OPRM1: variants seen among roughly 807,000 people sequenced by gnomAD.
OPRM1 encodes opioid receptor mu 1, also known as mu-type opioid receptor.
In OPRM1, 27 loss-of-function variants were observed where a neutral mutation model predicts 31.8. That is an observed-to-expected ratio of 0.85 (90% CI 0.63 to 1.17). OPRM1 has a LOEUF of 1.17. OPRM1 is among the 50% of genes most tolerant of loss of function. The pLI is 0.00. For missense variants in OPRM1, 536 were observed against 511.1 expected (o/e 1.05, Z -0.47); for synonymous variants, 196 against 189.9 (o/e 1.03, Z -0.26).
Position 154,050,990 on chromosome 6 carries a change from G to A in OPRM1, c.290+11156G>A, listed in dbSNP as rs17174680. ...AATTTTCAAAACTAAATTGATTCCTGTATATTTCTAAAATAGAAGTTTAAG... is the reference window on the plus strand; with the variant it reads ...AATTTTCAAAACTAAATTGATTCCTATATATTTCTAAAATAGAAGTTTAAG... On this transcript the variant is annotated intron_variant, in intron 1 of 3. Transcript: ENST00000330432. 5.3e-3 allele frequency among the ~76,000 whole-genome samples: 806 copies of A among 152,118 alleles called. 3 individuals carry two copies. Among genetic ancestry groups the A allele is most frequent in the African/African-American group, 0.017 (723 of 41,504 alleles).
chr6:154,108,882 A>G (rs1403295488), intron 3 of OPRM1: 1 of 984,546 alleles, frequency 1.0e-6, no homozygotes, highest in Non-Finnish European at 1.2e-6. Flanking sequence ...AATTAAAAAT[A>G]CAGTAGTTAC....
At chr6:154,191,135 A>G (rs1316705020) in intron 3 of OPRM1, among the ~76,000 whole-genome samples, 1 of 152,200 alleles carries the variant, frequency 6.6e-6, no homozygotes, top group East Asian at 1.9e-4. Flanking sequence ...AAAGAAGCCA[A>G]TCTGAAAAGG....
chr6:154,154,106 G>A (rs1505580), intron 3 of OPRM1, among the ~76,000 whole-genome samples: 10,054 of 152,180 alleles, frequency 0.066, 968 homozygotes, highest in African/African-American at 0.21. Context: ...GTGAGACTTG[G>A]GAGAGAGTCA....
In OPRM1 at chr6:154,128,314, C is replaced by G. The variant is rs1583634438; in HGVS notation, c.*9593C>G. 1.3e-5 allele frequency among the ~76,000 whole-genome samples: 2 copies of G among 152,158 alleles called. No individual in the cohort carries two copies. Among genetic ancestry groups the G allele is most frequent in the African/African-American group, 4.8e-5 (2 of 41,434 alleles). Reference sequence around the variant, plus strand: ...GGAGTTAATTCTGACTACGGGATTCCTTTTTCACTTTTATAATGAACTCCT... The same window carrying G: ...GGAGTTAATTCTGACTACGGGATTCGTTTTTCACTTTTATAATGAACTCCT... On this transcript the variant is annotated 3_prime_UTR_variant, in exon 4 of 4. Coordinates refer to ENST00000330432, the MANE Select transcript of OPRM1 (RefSeq NM_000914.5).
chr6:154,079,896 G>T (rs1371410710), intron 1 of OPRM1, among the ~76,000 whole-genome samples: 1 of 152,006 alleles, frequency 6.6e-6, no homozygotes, highest in Admixed American at 6.5e-5. Flanking sequence ...TAATATTTTT[G>T]TTAGTTAACT....
At position 154,016,466 on chromosome 6, in the gene OPRM1, C is replaced by A. The variant is rs377233629; in HGVS notation, c.-1+5448C>A. Among the ~76,000 whole-genome samples, 16 of 151,866 alleles carry A rather than the reference C, an allele frequency of 1.1e-4. No homozygotes were observed. In the East Asian group the frequency reaches 1.2e-3, roughly 11 times the overall value. ...ACATATACATATCTGTTTACGGTAA[C>A]AATTTATGGAGAAAACAAAATTTTT... On this transcript the variant is annotated intron_variant, in intron 1 of 5. Coordinates refer to the OPRM1 transcript ENST00000434900.
chr6:154,111,724 T>G (rs1227976476), intron 3 of OPRM1, among the ~76,000 whole-genome samples: 1 of 151,734 alleles, frequency 6.6e-6, no homozygotes, highest in Non-Finnish European at 1.5e-5. Context: ...TATTTGCTAG[T>G]TGACTTCCTG....
In OPRM1 at chr6:154,122,109, G is replaced by A. The variant is rs1029469787; in HGVS notation, c.*3388G>A. 7.9e-4 allele frequency among the ~76,000 whole-genome samples: 120 copies of A among 152,276 alleles called. 1 individual carries two copies. The highest frequency in any genetic ancestry group is 2.7e-3 in the African/African-American group (111 of 41,562). ...GAGGGTTCTAGCCAAAGCAACCTAA[G>A]AATAGGACATGGTAGCTTAAGTTTT... is the stretch of plus-strand genomic sequence containing the variant. On this transcript the variant is annotated 3_prime_UTR_variant, in exon 4 of 4. Coordinates refer to ENST00000330432, the MANE Select transcript of OPRM1 (RefSeq NM_000914.5).
At chr6:154,103,945 G>A (rs552374327) in intron 3 of OPRM1, among the ~76,000 whole-genome samples, 1 of 152,264 alleles carries the variant, frequency 6.6e-6, no homozygotes, top group South Asian at 2.1e-4. Flanking sequence ...TCCCTTCACT[G>A]TCTAGGAATG....
intron 3 of OPRM1, among the ~76,000 whole-genome samples, chr6:154,100,038 A>ATAT (rs1491087125): frequency 4.3e-5 from 3 of 70,180 alleles, no homozygotes; most frequent in South Asian, 5.4e-4. Context: ...ATATATTATC[A>ATAT]TATGATATAT....
intron 3 of OPRM1, among the ~76,000 whole-genome samples, chr6:154,100,077 CAT>C (rs1562471948): frequency 1.1e-4 from 13 of 117,190 alleles, no homozygotes; most frequent in African/African-American, 3.9e-4. Flanking sequence ...TGATATATAT[CAT>C]ATTATATATT....
rs141462963 is a variant in OPRM1 at position 154,086,745 on chromosome 6, G to C, written c.291-3081G>C. ...TTACTTAACATAAAACACCATTAAA[G>C]ATAAGCCACGAAATGTAAGGTCTGC... is the stretch of plus-strand genomic sequence containing the variant. On this transcript the variant is annotated intron_variant, in intron 1 of 3. Coordinates refer to ENST00000330432, the MANE Select transcript of OPRM1 (RefSeq NM_000914.5). 1,054 of 985,330 alleles carry C rather than the reference G, an allele frequency of 1.1e-3. 9 individuals carry two copies. In the African/African-American group the frequency reaches 0.017, roughly 16 times the overall value. 61.0% of individuals were successfully genotyped at this position (985,330 alleles called of 1,614,324 possible). A position where few individuals can be genotyped will look rare whatever the true frequency, so the allele number is the denominator to read the frequency against.
chr6:154,013,114 C>CA (rs1295333905), intron 1 of OPRM1, among the ~76,000 whole-genome samples: 2 of 151,994 alleles, frequency 1.3e-5, no homozygotes, highest in Admixed American at 6.6e-5. Context: ...TTAGGCCTGC[C>CA]AAAAAGAGGA....
At chr6:154,194,510 T>C (rs989676103) in intron 3 of OPRM1, among the ~76,000 whole-genome samples, 5 of 152,182 alleles carry the variant, frequency 3.3e-5, no homozygotes, top group African/African-American at 4.8e-5. Flanking sequence ...TTTTCAATTA[T>C]GACCTCCAAC....
At chr6:154,213,015 T>C in intron 3 of OPRM1, 1 of 605,534 alleles carries the variant, frequency 1.7e-6, no homozygotes, top group Non-Finnish European at 3.0e-6. Context: ...GCAAAGGAAT[T>C]ACATAAGAGG....
intron 3 of OPRM1, among the ~76,000 whole-genome samples, chr6:154,235,681 G>A (rs568418203): frequency 7.2e-5 from 11 of 151,864 alleles, no homozygotes; most frequent in African/African-American, 1.2e-4. Flanking sequence ...CATGAGTTTC[G>A]TCTGTACTAT....
At chr6:154,195,174 A>G (rs6940820) in intron 3 of OPRM1, among the ~76,000 whole-genome samples, 82,867 of 141,274 alleles carry the variant, frequency 0.59, 24,807 homozygotes, top group East Asian at 0.89. Flanking sequence ...TTGAGACAGA[A>G]TCTCGCTCTG....
At chr6:154,106,420 G>A (rs73790431) in intron 3 of OPRM1, among the ~76,000 whole-genome samples, 1,840 of 152,300 alleles carry the variant, frequency 0.012, 38 homozygotes, top group African/African-American at 0.043. Context: ...CACAGCTGAG[G>A]GCATGACTAA....
At chr6:154,085,078 T>C (rs1790212858) in intron 1 of OPRM1, among the ~76,000 whole-genome samples, 1 of 152,106 alleles carries the variant, frequency 6.6e-6, no homozygotes, top group South Asian at 2.1e-4. Context: ...ACAAAACCCA[T>C]CAGGTGTACA....
Sources: allele counts gnomAD v4.1 joint callset (sites outside exome capture counted in the v4.1 genomes callset), GRCh38; gene constraint gnomAD v4.1.1; transcripts MANE v1.5; gene names NCBI Gene and HGNC (gene_info 2026-07-23, HGNC 2026-07-21).